The following PRH1 variants were observed in gnomAD, a reference collection of about 807,000 sequenced individuals.
PRH1 encodes salivary acidic proline-rich phosphoprotein 1/2.
PRH1 carries 7 observed loss-of-function variants against 7.9 expected under a neutral mutation model. The observed-to-expected ratio is 0.89, with a 90% CI of 0.50 to 1.67. The LOEUF (loss-of-function observed/expected upper bound fraction) is 1.67, where lower values mean the gene tolerates loss of function less well. PRH1 is among the 40% of genes most tolerant of loss of function. PRH1 has a pLI of 0.00. For missense variants in PRH1, 109 were observed against 223.6 expected (o/e 0.49, Z 3.27); for synonymous variants, 45 against 80.8 (o/e 0.56, Z 2.38).
intron 1 of PRH1, among the ~76,000 whole-genome samples, chr12:11,074,663 C>A (rs1176177813): frequency 2.0e-5 from 2 of 99,736 alleles, no homozygotes; most frequent in African/African-American, 3.1e-5. Flanking sequence ...AAAAAAAAAA[C>A]AAAACAAGTA....
At chr12:11,008,131 C>A (rs773714599) in intron 1 of PRH1, among the ~76,000 whole-genome samples, 1 of 151,796 alleles carries the variant, frequency 6.6e-6, no homozygotes, top group Non-Finnish European at 1.5e-5. Context: ...AATAAAGCTA[C>A]GGAAAAATAC....
intron 1 of PRH1, chr12:11,134,550 A>G (rs1294794978): frequency 2.2e-5 from 7 of 322,302 alleles, no homozygotes; most frequent in Non-Finnish European, 2.8e-5. Flanking sequence ...ATGAAACCTG[A>G]ATTCTCATTT....
upstream of PRH1, chr12:11,171,577 C>A (rs2416548): frequency 0.58 from 710,416 of 1,230,856 alleles, 209,771 homozygotes; most frequent in East Asian, 0.75. Flanking sequence ...CATGACTAAG[C>A]TAACGGCCTC....
chr12:11,071,999 A>G (rs1265484622), intron 1 of PRH1, among the ~76,000 whole-genome samples: 1 of 152,070 alleles, frequency 6.6e-6, no homozygotes, highest in Non-Finnish European at 1.5e-5. Flanking sequence ...CTTTTGAACC[A>G]GGCCTCACTC....
At chr12:11,139,044 T>A (rs1946634700) in intron 1 of PRH1, among the ~76,000 whole-genome samples, 1 of 152,056 alleles carries the variant, frequency 6.6e-6, no homozygotes, top group Non-Finnish European at 1.5e-5. Flanking sequence ...TGTCTCAAAA[T>A]AAAAAAAGTT....
chr12:11,057,144 C>A (rs1483857235), intron 1 of PRH1, among the ~76,000 whole-genome samples: 1 of 152,078 alleles, frequency 6.6e-6, no homozygotes, highest in Non-Finnish European at 1.5e-5. Context: ...GTATTTGGAA[C>A]TATAGGCATG....
rs1941065601 is a variant in PRH1, at chr12:11,011,430, G to A, written c.-126+35590C>T. On this transcript the variant is annotated intron_variant, in intron 1 of 3. Transcript: ENST00000539853. Reference sequence around the variant, plus strand: ...TTCAAACACTATGTCCTGGCTATAAGATGAAATTTTTCATGCTGTTGTTGA... The same window carrying A: ...TTCAAACACTATGTCCTGGCTATAAAATGAAATTTTTCATGCTGTTGTTGA... Among the ~76,000 whole-genome samples the A allele has an allele frequency of 2.0e-5, 3 of 152,068 alleles. No homozygotes were observed. In the East Asian group the frequency reaches 5.8e-4, roughly 29 times the overall value.
intron 2 of PRH1, among the ~76,000 whole-genome samples, chr12:10,923,656 A>G (rs932385694): frequency 6.6e-6 from 1 of 152,242 alleles, no homozygotes; most frequent in Non-Finnish European, 1.5e-5. Flanking sequence ...GTGTGATTCT[A>G]TCACCAACAA....
chr12:10,948,477 G>C (rs1950520918), intron 2 of PRH1, among the ~76,000 whole-genome samples: 1 of 152,166 alleles, frequency 6.6e-6, no homozygotes, highest in Non-Finnish European at 1.5e-5. Context: ...AGCTCTGTCA[G>C]ACCCATTAAA....
chr12:11,057,878 T>G (rs1943430113), intron 1 of PRH1, among the ~76,000 whole-genome samples: 1 of 152,278 alleles, frequency 6.6e-6, no homozygotes, highest in African/African-American at 2.4e-5. Context: ...CTTCACTGTT[T>G]TATGTCAGGA....
chr12:10,983,129 ACT>A (rs552661878), intron 1 of PRH1, among the ~76,000 whole-genome samples: 261 of 151,986 alleles, frequency 1.7e-3, no homozygotes, highest in Non-Finnish European at 2.7e-3. Flanking sequence ...GCATTATAGG[ACT>A]CTGTGCATGC....
intron 1 of PRH1, chr12:11,030,504 T>C: frequency 6.2e-7 from 1 of 1,614,248 alleles, no homozygotes; most frequent in Non-Finnish European, 8.5e-7. Flanking sequence ...CAAATCAGGA[T>C]GAATGGGTGG....
At chr12:10,975,311 T>C (rs1045918685) in intron 1 of PRH1, among the ~76,000 whole-genome samples, 12 of 152,308 alleles carry the variant, frequency 7.9e-5, no homozygotes, top group Middle Eastern at 3.4e-3. Context: ...AAGAATTTCG[T>C]ATCCACCCAA....
intron 1 of PRH1, among the ~76,000 whole-genome samples, chr12:11,010,596 T>C (rs1449551997): frequency 6.6e-6 from 1 of 151,942 alleles, no homozygotes; most frequent in Non-Finnish European, 1.5e-5. Flanking sequence ...CTTAATCAGG[T>C]AATGCCATAT....
chr12:11,071,403 T>C (rs1214024477), intron 1 of PRH1, among the ~76,000 whole-genome samples: 1 of 152,178 alleles, frequency 6.6e-6, no homozygotes, highest in Admixed American at 6.5e-5. Flanking sequence ...AAAGACCTTC[T>C]TGGAAGACCA....
chr12:10,985,538 G>A (rs1158748360), intron 1 of PRH1, among the ~76,000 whole-genome samples: 2 of 152,074 alleles, frequency 1.3e-5, no homozygotes, highest in Non-Finnish European at 2.9e-5. Context: ...GTGGAAAAGA[G>A]CAAAGATTTT....
Position 11,160,011 on chromosome 12 carries a change from ATT to A in PRH1, n.39+11409_39+11410del, listed in dbSNP as rs569289814. On this transcript the variant is annotated intron_variant and non_coding_transcript_variant, in intron 1 of 1. Coordinates refer to the PRH1 transcript ENST00000541175. ...CTATTTATCTTCAGCATCAGCCACA[ATT>A]TTCCATTCATGGTAATGACTAAAGA... is the stretch of plus-strand genomic sequence containing the variant. 2.9e-4 allele frequency among the ~76,000 whole-genome samples: 44 copies of A among 152,228 alleles called. 1 individual carries two copies. The South Asian group carries it at 8.5e-3, about 29-fold the overall frequency.
At chr12:10,934,031 T>C (rs773633576) in intron 2 of PRH1, among the ~76,000 whole-genome samples, 7 of 152,184 alleles carry the variant, frequency 4.6e-5, no homozygotes, top group African/African-American at 1.4e-4. Context: ...GTTTATTAAT[T>C]CAACTTCTAA....
intron 1 of PRH1, among the ~76,000 whole-genome samples, chr12:11,012,947 T>G (rs1476002432): frequency 2.0e-5 from 3 of 152,018 alleles, no homozygotes; most frequent in African/African-American, 7.2e-5. Flanking sequence ...AGGCAAAAAT[T>G]ATATATTCAA....
Sources: gnomAD v4.1 joint callset for allele counts (sites outside exome capture counted in the v4.1 genomes callset) on GRCh38, gnomAD v4.1.1 for gene constraint, MANE v1.5 for transcripts, NCBI Gene and HGNC (gene_info 2026-07-23, HGNC 2026-07-21) for gene names.